PRDM11: variants seen among roughly 807,000 people sequenced by gnomAD.
The protein encoded by PRDM11 is PR domain-containing protein 11.
A neutral mutation model predicts 97.8 loss-of-function variants in PRDM11; 20 were observed. The observed-to-expected ratio is 0.20, with a 90% CI of 0.14 to 0.30. PRDM11 has a LOEUF of 0.30. Among genes scored for constraint, PRDM11 ranks in the 10% least tolerant of loss-of-function variants. PRDM11 has a pLI of 1.00. For missense variants in PRDM11, 1,139 were observed against 1,555.2 expected (o/e 0.73, Z 4.50); for synonymous variants, 599 against 637.7 (o/e 0.94, Z 0.91).
intron 1 of PRDM11, among the ~76,000 whole-genome samples, chr11:45,129,716 C>T (rs1274998098): frequency 6.6e-6 from 1 of 152,046 alleles, no homozygotes; most frequent in Non-Finnish European, 1.5e-5. Flanking sequence ...AATCTCTCTC[C>T]AAATTGATCT....
chr11:45,225,947 C>A (rs1854263833), intron 7 of PRDM11, 48 bp from the exon 8 acceptor site: 1 of 1,442,080 alleles, frequency 6.9e-7, no homozygotes, highest in South Asian at 1.5e-5. Context: ...TTGGAAAAGC[C>A]TGTTTTCTCC....
chr11:45,114,653 G>T (rs1297718938), intron 1 of PRDM11, among the ~76,000 whole-genome samples: 1 of 151,928 alleles, frequency 6.6e-6, no homozygotes, highest in Non-Finnish European at 1.5e-5. Context: ...CAAAGAGAGA[G>T]AAAATCTTGA....
At chr11:45,177,478 A>G (rs1032928808) in intron 1 of PRDM11, among the ~76,000 whole-genome samples, 4 of 152,310 alleles carry the variant, frequency 2.6e-5, no homozygotes, top group Admixed American at 2.6e-4. Flanking sequence ...AGTGAAGGAC[A>G]CCAGCACATG....
chr11:45,182,477 C>A, intron 3 of PRDM11, 128 bp downstream of exon 3: 1 of 854,504 alleles, frequency 1.2e-6, no homozygotes, highest in Non-Finnish European at 1.8e-6. Context: ...CAGGTCCAGG[C>A]CTTGGTTCGT....
At chr11:45,181,240 C>T (rs1468354233) in intron 1 of PRDM11, among the ~76,000 whole-genome samples, 1 of 152,096 alleles carries the variant, frequency 6.6e-6, no homozygotes, top group Non-Finnish European at 1.5e-5. Context: ...CCCTCGCCAG[C>T]GCCCCCAGGC....
chr11:45,154,768 C>G (rs942748436), intron 1 of PRDM11, among the ~76,000 whole-genome samples: 4 of 152,212 alleles, frequency 2.6e-5, no homozygotes, highest in Non-Finnish European at 5.9e-5. Context: ...CAGGTTGGCT[C>G]TTAAAACCCC....
chr11:45,110,236 A>G (rs1852143469), intron 1 of PRDM11, among the ~76,000 whole-genome samples: 1 of 152,154 alleles, frequency 6.6e-6, no homozygotes, highest in Non-Finnish European at 1.5e-5. Context: ...AAGAACAACT[A>G]ATCCTTATGC....
intron 4 of PRDM11, among the ~76,000 whole-genome samples, chr11:45,194,204 G>A (rs914779152): frequency 6.6e-6 from 1 of 152,178 alleles, no homozygotes; most frequent in African/African-American, 2.4e-5. Flanking sequence ...TCTTGCGGGT[G>A]CAGAAATCTC....
At chr11:45,198,185 GA>G (rs1021337335) in intron 4 of PRDM11, among the ~76,000 whole-genome samples, 2 of 152,156 alleles carry the variant, frequency 1.3e-5, no homozygotes, top group African/African-American at 2.4e-5. Flanking sequence ...CATTTTAAGG[GA>G]TGCCCCCTTT....
intron 1 of PRDM11, among the ~76,000 whole-genome samples, chr11:45,168,426 AG>A (rs553926515): frequency 7.7e-4 from 117 of 152,240 alleles, no homozygotes; most frequent in African/African-American, 2.8e-3. Flanking sequence ...GGAGGAGTGT[AG>A]GTATGAGGGC....
intron 1 of PRDM11, among the ~76,000 whole-genome samples, chr11:45,111,938 C>A (rs1852190958): frequency 7.2e-6 from 1 of 138,072 alleles, no homozygotes. Context: ...CTGAGTACCT[C>A]TTTTTTTAGC....
intron 1 of PRDM11, among the ~76,000 whole-genome samples, chr11:45,104,246 A>G (rs980524001): frequency 6.6e-6 from 1 of 152,214 alleles, no homozygotes; most frequent in Non-Finnish European, 1.5e-5. Flanking sequence ...CACCAGAGGA[A>G]CTTCTCTCAA....
At chr11:45,105,011 T>A (rs1020393018) in intron 1 of PRDM11, among the ~76,000 whole-genome samples, 4 of 152,180 alleles carry the variant, frequency 2.6e-5, no homozygotes, top group East Asian at 3.8e-4. Flanking sequence ...AATACCATAA[T>A]CTAGGTGGTT....
chr11:45,169,915 A>G (rs1852161213), intron 1 of PRDM11, among the ~76,000 whole-genome samples: 1 of 152,220 alleles, frequency 6.6e-6, no homozygotes, highest in African/African-American at 2.4e-5. Context: ...TGCACCAGGC[A>G]CTGCTCTAGT....
At chr11:45,107,813 C>G (rs1277781330) in intron 1 of PRDM11, among the ~76,000 whole-genome samples, 1 of 150,708 alleles carries the variant, frequency 6.6e-6, no homozygotes, top group Non-Finnish European at 1.5e-5. Flanking sequence ...AATAAGTGCT[C>G]AATAAATGTG....
At chr11:45,194,380 T>G (rs987895119) in intron 4 of PRDM11, among the ~76,000 whole-genome samples, 5 of 152,140 alleles carry the variant, frequency 3.3e-5, no homozygotes, top group Admixed American at 3.3e-4. Flanking sequence ...TTTCTTGGTG[T>G]TTGAAAATTC....
At chr11:45,206,789 A>G (rs7119605) in intron 5 of PRDM11, among the ~76,000 whole-genome samples, 54,429 of 152,186 alleles carry the variant, frequency 0.36, 10,461 homozygotes, top group Non-Finnish European at 0.44. Context: ...ACAGATCTTC[A>G]TGCCACAGTG....
At chr11:45,203,596 T>A (rs959559050) in intron 4 of PRDM11, among the ~76,000 whole-genome samples, 1 of 150,770 alleles carries the variant, frequency 6.6e-6, no homozygotes, top group African/African-American at 2.4e-5. Context: ...TTAAAAGACA[T>A]GAAGGATATA....
intron 4 of PRDM11, among the ~76,000 whole-genome samples, chr11:45,203,682 G>A (rs923972711): frequency 1.3e-5 from 2 of 150,790 alleles, no homozygotes; most frequent in African/African-American, 4.9e-5. Context: ...GTGCAGTGGT[G>A]CCATCTTGAC....
Sources: allele counts gnomAD v4.1 joint callset (sites outside exome capture counted in the v4.1 genomes callset), GRCh38; gene constraint gnomAD v4.1.1; transcripts MANE v1.5; gene names NCBI Gene and HGNC (gene_info 2026-07-23, HGNC 2026-07-21).